USP44: variants seen among roughly 807,000 people sequenced by gnomAD.
USP44 encodes the protein ubiquitin specific peptidase 44.
A neutral mutation model predicts 69.0 loss-of-function variants in USP44; 61 were observed. That is an observed-to-expected ratio of 0.88 (90% CI 0.72 to 1.09). The LOEUF is 1.09. Ranked by LOEUF, USP44 falls within the 50% of genes least tolerant of loss-of-function variation. The pLI is 0.00. For synonymous variants in USP44, 297 were observed against 295.4 expected (o/e 1.01, Z -0.06); for missense variants, 753 against 849.9 (o/e 0.89, Z 1.42).
At chr12:95,538,158 C>T (rs1264537371) in intron 1 of USP44, among the ~76,000 whole-genome samples, 5 of 152,204 alleles carry the variant, frequency 3.3e-5, no homozygotes, top group Middle Eastern at 3.4e-3. Flanking sequence ...AAACGGTGAG[C>T]GAGCACACAC....
intron 1 of USP44, among the ~76,000 whole-genome samples, chr12:95,547,367 G>T (rs978134186): frequency 6.6e-6 from 1 of 152,074 alleles, no homozygotes; most frequent in Admixed American, 6.5e-5. Flanking sequence ...AGATAGAATG[G>T]GGAGAGAAAA....
At chr12:95,540,546 TG>T (rs1432734571) in intron 1 of USP44, among the ~76,000 whole-genome samples, 8 of 152,126 alleles carry the variant, frequency 5.3e-5, no homozygotes, top group Non-Finnish European at 8.8e-5. Flanking sequence ...TTCACCGTGT[TG>T]GCCAGGCTGG....
At chr12:95,543,966 C>CAAAAAAA (rs760105964) in intron 1 of USP44, among the ~76,000 whole-genome samples, 7 of 47,672 alleles carry the variant, frequency 1.5e-4, no homozygotes, top group Admixed American at 8.5e-4. Context: ...GACTGCATCT[C>CAAAAAAA]AAAAAAAAAA....
intron 1 of USP44, among the ~76,000 whole-genome samples, chr12:95,541,308 G>A (rs1355391577): frequency 3.3e-5 from 5 of 152,042 alleles, no homozygotes; most frequent in Non-Finnish European, 7.4e-5. Flanking sequence ...TTCTGGCTGG[G>A]CACAGTGGCT....
chr12:95,537,942 C>A (rs1258373430), intron 1 of USP44, among the ~76,000 whole-genome samples: 1 of 152,096 alleles, frequency 6.6e-6, no homozygotes, highest in African/African-American at 2.4e-5. Flanking sequence ...CAAATAAATT[C>A]CCTTGAATAC....
chr12:95,529,800 A>G (rs1326187026), intron 2 of USP44, among the ~76,000 whole-genome samples: 5 of 152,200 alleles, frequency 3.3e-5, no homozygotes, highest in African/African-American at 9.6e-5. Flanking sequence ...TAACCATATT[A>G]CAAGTAAAAT....
At chr12:95,519,512 T>C (rs1008432407) in intron 5 of USP44, among the ~76,000 whole-genome samples, 6 of 138,872 alleles carry the variant, frequency 4.3e-5, no homozygotes, top group African/African-American at 1.6e-4. Context: ...CAGTCTCGGC[T>C]CACTGCAAGC....
intron 4 of USP44, chr12:95,521,968 C>T: frequency 1.2e-6 from 1 of 850,706 alleles, no homozygotes; most frequent in Non-Finnish European, 1.4e-6. Context: ...TGTCCCCTCG[C>T]TGTGTGTAAG....
intron 3 of USP44, among the ~76,000 whole-genome samples, chr12:95,527,314 C>T (rs11108093): frequency 0.079 from 11,822 of 149,670 alleles, 645 homozygotes; most frequent in Non-Finnish European, 0.12. Context: ...AGGCTGGTCT[C>T]GAACTCCTGA....
chr12:95,536,745 T>C (rs2077218700), intron 1 of USP44, among the ~76,000 whole-genome samples: 2 of 152,156 alleles, frequency 1.3e-5, no homozygotes, highest in African/African-American at 4.8e-5. Flanking sequence ...ACCAACAGTC[T>C]ACTCTCAACA....
At chr12:95,541,592 CAAAAA>C (rs1047348748) in intron 1 of USP44, among the ~76,000 whole-genome samples, 1 of 151,552 alleles carries the variant, frequency 6.6e-6, no homozygotes, top group Non-Finnish European at 1.5e-5. Flanking sequence ...AAAAACAAAA[CAAAAA>C]AAAGTATGCT....
chr12:95,544,149 A>G (rs1277056612), intron 1 of USP44, among the ~76,000 whole-genome samples: 5 of 136,372 alleles, frequency 3.7e-5, no homozygotes, highest in East Asian at 2.3e-4. Context: ...CCACCTCCCG[A>G]GTTCACGCCA....
intron 1 of USP44, among the ~76,000 whole-genome samples, chr12:95,540,949 T>C (rs974287969): frequency 5.3e-5 from 8 of 152,212 alleles, no homozygotes; most frequent in African/African-American, 1.2e-4. Context: ...GGAAAAAAAA[T>C]TCCCCCTGAT....
chr12:95,526,514 G>A (rs1419993833), intron 3 of USP44, among the ~76,000 whole-genome samples: 2 of 152,196 alleles, frequency 1.3e-5, no homozygotes, highest in Non-Finnish European at 2.9e-5. Flanking sequence ...GGAGCTTGCA[G>A]TGAGCCGAGA....
Position 95,521,183 on chromosome 12 carries a change from G to T in USP44, c.1753C>A (p.Arg585=). 1 of 1,614,012 alleles carries T rather than the reference G, an allele frequency of 6.2e-7. No homozygotes were observed. Among genetic ancestry groups the T allele is most frequent in the Non-Finnish European group, 8.5e-7 (1 of 1,180,004 alleles). Residue 585 remains arginine (R), a synonymous_variant, in exon 5 of 6, where the codon CGA becomes AGA. Coordinates refer to ENST00000258499, the MANE Select transcript of USP44 (RefSeq NM_032147.5). ...KRFRWSGRNN[R]EKIGVHVGFE... is the part of the protein sequence containing the mutation. Reference sequence around the variant, plus strand: ...CCAACATGAACACCAATCTTCTCTCGGTTATTACGTCCTGACCACCTGTGA... The same window carrying T: ...CCAACATGAACACCAATCTTCTCTCTGTTATTACGTCCTGACCACCTGTGA...
chr12:95,547,268 C>T (rs1264251819), intron 1 of USP44, among the ~76,000 whole-genome samples: 2 of 152,166 alleles, frequency 1.3e-5, no homozygotes, highest in African/African-American at 2.4e-5. Flanking sequence ...AATATCTCTA[C>T]ATTTGAATTT....
At chr12:95,547,924 G>A (rs1254373122) in intron 1 of USP44, 5 of 152,122 alleles carry the variant, frequency 3.3e-5, no homozygotes, top group African/African-American at 1.2e-4. Flanking sequence ...CCTTGCATTT[G>A]GAACAGTTAC....
At position 95,518,331 on chromosome 12, in the gene USP44, A is replaced by G. The variant is rs1377126034; in HGVS notation, c.1962T>C (p.Asp654=). ...SEGGFWVHCN[D]SKLSMCTMDE... ...CCATAGTGCACATGCTTAGTTTGGA[A>G]TCATTGCAGTGTACCCAGAACCCTA... The change falls in exon 6 of 6, where the codon GAT becomes GAC. Residue 654 remains aspartate (D), a synonymous_variant. Transcript: ENST00000258499. The G allele has an allele frequency of 6.2e-7, 1 of 1,614,198 alleles. No homozygotes were observed. Among genetic ancestry groups the G allele is most frequent in the East Asian group, 2.2e-5 (1 of 44,878 alleles).
chr12:95,518,986 G>C (rs894455902), intron 5 of USP44, among the ~76,000 whole-genome samples: 1 of 151,900 alleles, frequency 6.6e-6, no homozygotes, highest in African/African-American at 2.4e-5. Context: ...GATGTCATAA[G>C]TAACCCTGAA....
Sources: gnomAD v4.1 joint callset for allele counts (sites outside exome capture counted in the v4.1 genomes callset) on GRCh38, gnomAD v4.1.1 for gene constraint, MANE v1.5 for transcripts, NCBI Gene and HGNC (gene_info 2026-07-23, HGNC 2026-07-21) for gene names.